The following IGSF11 variants were observed in gnomAD, a reference collection of about 807,000 sequenced individuals.
The protein encoded by IGSF11 is immunoglobulin superfamily member 11, also known as CXADR like 1.
IGSF11 carries 22 observed loss-of-function variants against 41.0 expected under a neutral mutation model. The ratio of observed to expected loss-of-function variants is 0.54; its 90% CI spans 0.38 to 0.77. IGSF11 has a LOEUF of 0.77. IGSF11 is among the 30% of genes least tolerant of loss of function. The probability of loss-of-function intolerance (pLI) is 0.00; values close to 1 mark genes in which losing one functional copy is unlikely to be tolerated. For missense variants in IGSF11, 444 were observed against 530.8 expected, an observed-to-expected ratio of 0.84 and a Z score of 1.61; for synonymous variants, 219 against 201.3, an observed-to-expected ratio of 1.09 and a Z score of -0.74.
intron 1 of IGSF11, among the ~76,000 whole-genome samples, chr3:119,017,776 CTTT>C (rs567222914): frequency 2.3e-4 from 23 of 100,262 alleles, no homozygotes; most frequent in South Asian, 1.3e-3. Flanking sequence ...GTTTGTTTTA[CTTT>C]TTTTTTTTTT....
chr3:119,122,907 A>G (rs1015253555), intron 1 of IGSF11, among the ~76,000 whole-genome samples: 5 of 152,170 alleles, frequency 3.3e-5, no homozygotes, highest in Non-Finnish European at 5.9e-5. Flanking sequence ...GGCGAGACAC[A>G]GCATATTCCC....
chr3:119,049,689 A>G (rs1941532758), intron 1 of IGSF11, among the ~76,000 whole-genome samples: 1 of 152,226 alleles, frequency 6.6e-6, no homozygotes, highest in Admixed American at 6.5e-5. Flanking sequence ...CCTCATTGAC[A>G]AGTCAATCCT....
intron 4 of IGSF11, among the ~76,000 whole-genome samples, chr3:118,913,305 A>G (rs575198191): frequency 2.0e-5 from 3 of 152,190 alleles, no homozygotes; most frequent in Non-Finnish European, 4.4e-5. Context: ...GACAAAAAAT[A>G]CAATCTCTCA....
chr3:119,034,749 AAGTGCAGCTGCAGCGCCGCCCGGC>A lies in IGSF11; in HGVS notation c.-191_-168del. ...GGACTGTCAGACCCACAGACGAGCC[AAGTGCAGCTGCAGCGCCGCCCGGC>A]TCCGCGGACGCTGAGCTGTGACCAG... On this transcript the variant is annotated 5_prime_UTR_variant, in exon 1 of 7. In the 5' UTR this introduces an upstream ATG that the reference lacks. Coordinates refer to ENST00000393775, the MANE Select transcript of IGSF11 (RefSeq NM_001015887.3). 1 of 1,326,452 alleles carries A rather than the reference AAGTGCAGCTGCAGCGCCGCCCGGC, an allele frequency of 7.5e-7. No homozygotes were observed. Among genetic ancestry groups the A allele is most frequent in the Non-Finnish European group, 9.7e-7 (1 of 1,036,080 alleles). 82.2% of individuals were successfully genotyped at this position (1,326,452 alleles called of 1,614,324 possible). A position where few individuals can be genotyped will look rare whatever the true frequency, so the allele number is the denominator to read the frequency against.
rs1390238153 is a variant in IGSF11 at position 118,914,575 on chromosome 3, C to T, written c.581-8857G>A. ...GCTTAAAAAACGGCGCACCACGAGACTATATCCCACACCTGGCTCGGAGGG... is the reference window on the plus strand; with the variant it reads ...GCTTAAAAAACGGCGCACCACGAGATTATATCCCACACCTGGCTCGGAGGG... On this transcript the variant is annotated intron_variant, in intron 4 of 6. Coordinates refer to ENST00000393775, the MANE Select transcript of IGSF11 (RefSeq NM_001015887.3). 2.6e-5 allele frequency among the ~76,000 whole-genome samples: 4 copies of T among 151,044 alleles called. No homozygotes were observed. The East Asian group carries it at 5.9e-4, about 22-fold the overall frequency.
chr3:118,957,918 C>CTT (rs1945075041), intron 1 of IGSF11, among the ~76,000 whole-genome samples: 1 of 152,182 alleles, frequency 6.6e-6, no homozygotes, highest in Non-Finnish European at 1.5e-5. Context: ...CCTTTCTTAC[C>CTT]TTCTCTGGGC....
In IGSF11 at chr3:119,136,422, T is replaced by C. The variant is rs897334585; in HGVS notation, c.-14+9391A>G. Reference sequence around the variant, plus strand: ...ACATGACCCAATGATCTGTTGCCAATAAGAAACACACTTCACCTATGAAGG... The same window carrying C: ...ACATGACCCAATGATCTGTTGCCAACAAGAAACACACTTCACCTATGAAGG... On this transcript the variant is annotated intron_variant, in intron 1 of 7. Coordinates refer to the IGSF11 transcript ENST00000425327. Among the ~76,000 whole-genome samples, 4 of 151,932 alleles carry C rather than the reference T, an allele frequency of 2.6e-5. No homozygotes were observed. In the South Asian group the frequency reaches 8.3e-4, roughly 32 times the overall value.
intron 1 of IGSF11, among the ~76,000 whole-genome samples, chr3:119,083,126 CTTT>C (rs79620142): frequency 4.6e-5 from 6 of 129,100 alleles, no homozygotes; most frequent in Admixed American, 8.0e-5. Flanking sequence ...TTTCTTTTTT[CTTT>C]TTTTTTTTTT....
chr3:118,904,093 A>G (rs772692438), intron 6 of IGSF11, among the ~76,000 whole-genome samples: 5 of 152,224 alleles, frequency 3.3e-5, no homozygotes, highest in Non-Finnish European at 7.3e-5. Context: ...CATTTTCAAT[A>G]AAGATATGCC....
chr3:118,991,923 A>G (rs1490074981), intron 1 of IGSF11, among the ~76,000 whole-genome samples: 1 of 152,250 alleles, frequency 6.6e-6, no homozygotes, highest in Non-Finnish European at 1.5e-5. Flanking sequence ...TTCAGTCTCC[A>G]AGATCCTCTG....
upstream of IGSF11, among the ~76,000 whole-genome samples, chr3:119,106,955 T>C (rs1295463073): frequency 6.6e-6 from 1 of 152,218 alleles, no homozygotes; most frequent in Non-Finnish European, 1.5e-5. Flanking sequence ...CTATGGTGTA[T>C]ATGGTTCACA....
At chr3:119,034,898 C>T (rs1037071420), upstream of IGSF11, 104 of 1,068,984 alleles carry the variant, frequency 9.7e-5, no homozygotes, top group Non-Finnish European at 1.2e-4. Context: ...TCACGCCCCG[C>T]TACTCCAGCC....
intron 1 of IGSF11, among the ~76,000 whole-genome samples, chr3:119,122,038 G>A (rs1306816991): frequency 6.6e-6 from 1 of 151,920 alleles, no homozygotes; most frequent in Non-Finnish European, 1.5e-5. Flanking sequence ...CCTCATGTAG[G>A]AACATCAAAT....
intron 1 of IGSF11, among the ~76,000 whole-genome samples, chr3:118,990,978 C>A (rs1322532176): frequency 6.6e-6 from 1 of 152,174 alleles, no homozygotes; most frequent in African/African-American, 2.4e-5. Flanking sequence ...GTTGAATCAA[C>A]CAGCTCCTCT....
intron 1 of IGSF11, among the ~76,000 whole-genome samples, chr3:118,971,391 T>C (rs1184698505): frequency 6.6e-6 from 1 of 152,094 alleles, no homozygotes; most frequent in Non-Finnish European, 1.5e-5. Flanking sequence ...TAAGAAAACA[T>C]ACCTTAAAAT....
At chr3:119,115,781 T>C (rs968488226) in intron 1 of IGSF11, among the ~76,000 whole-genome samples, 2 of 152,198 alleles carry the variant, frequency 1.3e-5, no homozygotes, top group African/African-American at 4.8e-5. Context: ...AATAGAGAAA[T>C]CTTAACTAAT....
At chr3:119,114,001 C>T (rs546929218) in intron 1 of IGSF11, among the ~76,000 whole-genome samples, 1 of 152,348 alleles carries the variant, frequency 6.6e-6, no homozygotes, top group South Asian at 2.1e-4. Flanking sequence ...ATCTGGGGCC[C>T]TTTTAGCTAC....
chr3:118,975,518 T>C (rs1295203062), intron 1 of IGSF11, among the ~76,000 whole-genome samples: 3 of 152,286 alleles, frequency 2.0e-5, no homozygotes, highest in African/African-American at 4.8e-5. Flanking sequence ...AAAGTCTCTA[T>C]CCAAAACACT....
At chr3:118,971,563 G>A (rs1042138919) in intron 1 of IGSF11, among the ~76,000 whole-genome samples, 4 of 152,104 alleles carry the variant, frequency 2.6e-5, no homozygotes, top group East Asian at 1.9e-4. Context: ...CCAGAACTTC[G>A]GGAGGCCGAG....
Sources: allele counts gnomAD v4.1 joint callset (sites outside exome capture counted in the v4.1 genomes callset), GRCh38; gene constraint gnomAD v4.1.1; transcripts MANE v1.5; gene names NCBI Gene and HGNC (gene_info 2026-07-23, HGNC 2026-07-21).